RNPEPL1: variants seen among roughly 807,000 people sequenced by gnomAD.
RNPEPL1 encodes arginyl aminopeptidase like 1.
A neutral mutation model predicts 69.0 loss-of-function variants in RNPEPL1; 46 were observed. The ratio of observed to expected loss-of-function variants is 0.67; its 90% CI spans 0.53 to 0.85. RNPEPL1 has a LOEUF of 0.85. Ranked by LOEUF, RNPEPL1 falls within the 40% of genes least tolerant of loss-of-function variation. The pLI is 0.00. For synonymous variants in RNPEPL1, 525 were observed against 454.1 expected, an observed-to-expected ratio of 1.16 and a Z score of -1.98; for missense variants, 869 against 992.5, an observed-to-expected ratio of 0.88 and a Z score of 1.67.
At chr2:240,573,699 G>C (rs1024954561) in intron 3 of RNPEPL1, 76 bp from the exon 4 acceptor site, 1 of 1,256,982 alleles carries the variant, frequency 8.0e-7, no homozygotes, top group African/African-American at 1.5e-5. Context: ...TGGAGCCCCA[G>C]GGCAGTGGGA....
At chr2:240,573,026 T>C in intron 2 of RNPEPL1, 84 bp from the exon 3 acceptor site, 2 of 1,428,616 alleles carry the variant, frequency 1.4e-6, no homozygotes, top group Admixed American at 2.7e-5. Context: ...GCTACGAATA[T>C]GGGGCTGCCT....
chr2:240,574,117 G>A lies in RNPEPL1; in HGVS notation c.943G>A (p.Asp315Asn), dbSNP rs753659105. The A allele has an allele frequency of 9.3e-6, 15 of 1,612,468 alleles. No individual in the cohort carries two copies. Among genetic ancestry groups the A allele is most frequent in the South Asian group, 3.3e-5 (3 of 91,048 alleles). ...CTCACCGCCCTCCCGGTGCAGGTAC[G>A]ACATTGTCTTCCTGCCACCCTCCTT... ...LYGPYMWGRY[D>N]IVFLPPSFPI... The change falls in exon 5 of 11, where the codon GAC becomes AAC. Residue 315 changes from aspartate (D) to asparagine (N), a missense_variant. Physicochemically the swap from Asp to Asn is conservative, Grantham distance 23. Transcript: ENST00000270357.
At position 240,568,865 on chromosome 2, in the gene RNPEPL1, C is replaced by T; in HGVS notation, c.279C>T (p.Ala93=). ...TGCACTCAGCCGCCTTCCGTCGCGC[C>T]CCCGCCGCCGCCGCCGAGACGCCCT... The part of the protein sequence containing the change: ...LRLHSAAFRR[A]PAAAAETPCA... The change falls in exon 1 of 11, where the codon GCC becomes GCT. Residue 93 remains alanine, a synonymous_variant. Coordinates refer to ENST00000270357, the MANE Select transcript of RNPEPL1 (RefSeq NM_018226.6). The surrounding 1 kb of genome is among the most constrained non-coding windows in gnomAD (Gnocchi z 6.2). 1 of 1,209,590 alleles carries T rather than the reference C, an allele frequency of 8.3e-7. No individual in the cohort carries two copies. The highest frequency in any genetic ancestry group is 1.0e-6 in the Non-Finnish European group (1 of 968,798). The allele number at this position is 1,209,590 out of a possible 1,614,324, so 74.9% of individuals were successfully genotyped here.
chr2:240,569,346 T>G, intron 1 of RNPEPL1: 1 of 473,524 alleles, frequency 2.1e-6, no homozygotes, highest in Non-Finnish European at 3.7e-6. Flanking sequence ...CCCGTTCAGG[T>G]GTCTGGTCCC....
intron 7 of RNPEPL1, 85 bp from the exon 8 acceptor site, chr2:240,575,417 G>A (rs907846152): frequency 5.3e-5 from 62 of 1,169,030 alleles, no homozygotes; most frequent in Admixed American, 1.8e-4. Context: ...CTTGGCGCAC[G>A]CCCTGCAGTG....
Position 240,574,304 on chromosome 2 carries a change from G to A in RNPEPL1, c.1130G>A (p.Gly377Asp). 1.2e-6 allele frequency: 2 copies of A among 1,606,324 alleles called. No individual in the cohort carries two copies. The highest frequency in any genetic ancestry group is 1.7e-6 in the Non-Finnish European group (2 of 1,179,806). Residue 377 changes from glycine (G) to aspartate (D), a missense_variant, in exon 5 of 11, where the codon GGC (glycine) becomes GAC (aspartate). Transcript: ENST00000270357. The part of the protein sequence containing the change: ...ATWEEMWLSE[G>D]LATYAQRRIT... ...TGGGAAGAGATGTGGCTGAGCGAGGGCCTGGCCACCTATGCCCAGCGCCGT... is the reference window on the plus strand; with the variant it reads ...TGGGAAGAGATGTGGCTGAGCGAGGACCTGGCCACCTATGCCCAGCGCCGT...
chr2:240,575,503 C>G lies in RNPEPL1; in HGVS notation c.1403C>G (p.Ala468Gly), dbSNP rs1263531370. 2 of 1,612,902 alleles carry G rather than the reference C, an allele frequency of 1.2e-6. No individual in the cohort carries two copies. Among genetic ancestry groups the G allele is most frequent in the African/African-American group, 2.7e-5 (2 of 74,948 alleles). ...DPQRFDDFLRAYVEKYKFTSV... is the reference protein window; with the variant it reads ...DPQRFDDFLRGYVEKYKFTSV... ...TGAGGCCCCACCTCTGCCACACAGG[C>G]CTATGTGGAGAAGTACAAGTTCACC... is the stretch of plus-strand genomic sequence containing the variant. The change falls in exon 8 of 11, where the codon GCC becomes GGC. Residue 468 changes from alanine (A) to glycine (G), a missense_variant and splice_region_variant. Physicochemically the swap from Ala to Gly is moderately conservative, Grantham distance 60. This residue lies in a region of RNPEPL1 where 610 missense variants were observed against 790.9 expected (regional missense o/e 0.77). Transcript: ENST00000270357.
chr2:240,575,278 CCTTT>C (rs1284740888), intron 7 of RNPEPL1, 136 bp downstream of exon 7: 4 of 785,608 alleles, frequency 5.1e-6, no homozygotes, highest in Non-Finnish European at 8.5e-6. Flanking sequence ...ACCTAGTCTG[CCTTT>C]CTTTGTGGGG....
intron 1 of RNPEPL1, among the ~76,000 whole-genome samples, chr2:240,569,576 C>T (rs2093015315): frequency 6.6e-6 from 1 of 152,174 alleles, no homozygotes. Flanking sequence ...GACCAGTGGG[C>T]CCCGCGACCC....
chr2:240,568,837 G>A lies in RNPEPL1; in HGVS notation c.251G>A (p.Arg84His), dbSNP rs2093012240. 7 of 1,173,696 alleles carry A rather than the reference G, an allele frequency of 6.0e-6. No individual in the cohort carries two copies. Among genetic ancestry groups the A allele is most frequent in the Non-Finnish European group, 7.4e-6 (7 of 946,132 alleles). 72.7% of individuals were successfully genotyped at this position (1,173,696 alleles called of 1,614,324 possible). ...GTGCTCGACGCGCACCCGGCTCTGCGCCTGCACTCAGCCGCCTTCCGTCGC... is the reference window on the plus strand; with the variant it reads ...GTGCTCGACGCGCACCCGGCTCTGCACCTGCACTCAGCCGCCTTCCGTCGC... ...ALVLDAHPAL[R>H]LHSAAFRRAP... The change falls in exon 1 of 11, where the codon CGC becomes CAC. Residue 84 changes from arginine to histidine, a missense_variant. This residue lies in a region of RNPEPL1 where 259 missense variants were observed against 201.5 expected (regional missense o/e 1.29). Coordinates refer to ENST00000270357, the MANE Select transcript of RNPEPL1 (RefSeq NM_018226.6). This position sits in a 1 kb window ranked among gnomAD's most constrained non-coding sequence, Gnocchi z 6.2.
In RNPEPL1 at chr2:240,574,643, G is replaced by A. The variant is rs757505020; in HGVS notation, c.1288+15G>A. On this transcript the variant is annotated intron_variant, in intron 6 of 10. Transcript: ENST00000270357. ...GCTGGAGCCAGGTACCTGCTCCTCA[G>A]GACCCGCTCCCACAACTGGGGATGT... 30 of 1,596,826 alleles carry A rather than the reference G, an allele frequency of 1.9e-5. No homozygotes were observed. In the Admixed American group the frequency reaches 3.0e-4, roughly 16 times the overall value.
In RNPEPL1 at chr2:240,574,561, G is replaced by A. The variant is rs1174988621; in HGVS notation, c.1221G>A (p.Leu407=). Residue 407 remains leucine (L), a synonymous_variant, in exon 6 of 11, where the codon CTG becomes CTA. Coordinates refer to ENST00000270357, the MANE Select transcript of RNPEPL1 (RefSeq NM_018226.6). ...CLETAFRLDA[L]HRQMKLLGED... is the part of the protein sequence containing the mutation. ...AGACTGCCTTCCGCCTGGACGCCCT[G>A]CACCGGCAGATGAAGCTTCTGGGAG... 4.3e-6 allele frequency: 7 copies of A among 1,612,944 alleles called. No homozygotes were observed. Among genetic ancestry groups the A allele is most frequent in the East Asian group, 2.2e-5 (1 of 44,876 alleles).
rs1318628364 is a variant in RNPEPL1 at position 240,575,154 on chromosome 2, C to T, written c.1401+12C>T. ...ATGACTTTCTCCGAGTGAGCAGCCC[C>T]CTGCCCGGGACGGCCCTGCTGCCAT... is the stretch of plus-strand genomic sequence containing the variant. On this transcript the variant is annotated intron_variant, in intron 7 of 10. Transcript: ENST00000270357. 1.9e-6 allele frequency: 3 copies of T among 1,606,598 alleles called. No individual in the cohort carries two copies. The highest frequency in any genetic ancestry group is 1.7e-6 in the Non-Finnish European group (2 of 1,174,008).
chr2:240,574,558 C>A lies in RNPEPL1; in HGVS notation c.1218C>A (p.Ala406=). Reference sequence around the variant, plus strand: ...TGGAGACTGCCTTCCGCCTGGACGCCCTGCACCGGCAGATGAAGCTTCTGG... The same window carrying A: ...TGGAGACTGCCTTCCGCCTGGACGCACTGCACCGGCAGATGAAGCTTCTGG... The part of the protein sequence containing the change: ...TCLETAFRLD[A]LHRQMKLLGE... The change falls in exon 6 of 11, where the codon GCC becomes GCA. Residue 406 remains alanine (A), a synonymous_variant. Coordinates refer to ENST00000270357, the MANE Select transcript of RNPEPL1 (RefSeq NM_018226.6). The A allele has an allele frequency of 6.2e-7, 1 of 1,612,934 alleles. No individual in the cohort carries two copies. The highest frequency in any genetic ancestry group is 8.5e-7 in the Non-Finnish European group (1 of 1,179,912).
At chr2:240,572,803 G>A (rs2093025698) in intron 2 of RNPEPL1, among the ~76,000 whole-genome samples, 2 of 152,346 alleles carry the variant, frequency 1.3e-5, no homozygotes, top group East Asian at 3.9e-4. Context: ...TGAGTCCCCA[G>A]TGGCACTGCA....
rs1016551740 is a variant in RNPEPL1 at position 240,568,953 on chromosome 2, C to T, written c.367C>T (p.Pro123Ser). The T allele has an allele frequency of 3.8e-5, 53 of 1,409,214 alleles. No homozygotes were observed. The highest frequency in any genetic ancestry group is 5.9e-5 in the South Asian group (4 of 67,632). The allele number at this position is 1,409,214 out of a possible 1,614,324, so 87.3% of individuals were successfully genotyped here. Residue 123 changes from proline (P) to serine (S), a missense_variant, in exon 1 of 11, where the codon CCC (proline) becomes TCC (serine). By Grantham distance (74) the Pro-to-Ser change is moderately conservative. Around this residue, in one of 2 missense-constraint regions of RNPEPL1, gnomAD observed 259 missense variants for 201.5 expected, o/e 1.29. Transcript: ENST00000270357. The surrounding 1 kb of genome is among the most constrained non-coding windows in gnomAD (Gnocchi z 6.2). ...PAPPPPLPAF[P>S]EAPGSEPACC... is the part of the protein sequence containing the mutation. ...GCCGCCGCCCCCGCTGCCCGCCTTC[C>T]CCGAGGCGCCCGGCTCCGAGCCCGC...
chr2:240,574,835 C>T (rs2093033145), intron 6 of RNPEPL1, 195 bp from the exon 7 acceptor site: 2 of 659,792 alleles, frequency 3.0e-6, no homozygotes, highest in Admixed American at 4.8e-5. Flanking sequence ...GAGCAGCAGT[C>T]ACAGTGGTGT....
Position 240,568,888 on chromosome 2 carries a change from C to T in RNPEPL1, c.302C>T (p.Pro101Leu). The T allele has an allele frequency of 1.6e-6, 2 of 1,273,890 alleles. No homozygotes were observed. The highest frequency in any genetic ancestry group is 2.0e-6 in the Non-Finnish European group (2 of 1,010,116). The allele number at this position is 1,273,890 out of a possible 1,614,324, so 78.9% of individuals were successfully genotyped here. ...GCCCCCGCCGCCGCCGCCGAGACGC[C>T]CTGCGCCTTCGCCTTCTCCGCCCCC... ...RRAPAAAAET[P>L]CAFAFSAPGP... Residue 101 changes from proline (P) to leucine (L), a missense_variant, in exon 1 of 11, where the codon CCC (proline) becomes CTC (leucine). Around this residue, in one of 2 missense-constraint regions of RNPEPL1, gnomAD observed 259 missense variants for 201.5 expected, o/e 1.29. Coordinates refer to ENST00000270357, the MANE Select transcript of RNPEPL1 (RefSeq NM_018226.6). The surrounding 1 kb of genome is among the most constrained non-coding windows in gnomAD (Gnocchi z 6.2).
rs1311772947 is a variant in RNPEPL1, at chr2:240,580,089, C to T, written c.*2197C>T. 2.0e-5 allele frequency: 3 copies of T among 152,270 alleles called. No homozygotes were observed. The highest frequency in any genetic ancestry group is 6.5e-5 in the Admixed American group (1 of 15,280). The allele number at this position is 152,270 out of a possible 1,614,324, so 9.4% of individuals were successfully genotyped here. On this transcript the variant is annotated 3_prime_UTR_variant, in exon 11 of 11. Transcript: ENST00000270357. ...AATCTGTCTTGGCTCTGTGCCCGCC[C>T]GTGGGGTACACAGGAGGGCTCTTTC...
Sources: allele counts gnomAD v4.1 joint callset (sites outside exome capture counted in the v4.1 genomes callset), GRCh38; gene constraint gnomAD v4.1.1; regional missense constraint gnomAD v4.1.1; non-coding constraint Gnocchi (gnomAD v3.1); transcripts MANE v1.5; gene names NCBI Gene and HGNC (gene_info 2026-07-23, HGNC 2026-07-21).